The following IZUMO2 variants were observed in gnomAD, a reference collection of about 807,000 sequenced individuals.
The protein encoded by IZUMO2 is IZUMO family member 2, also known as izumo sperm-egg fusion protein 2.
IZUMO2 carries 24 observed loss-of-function variants against 31.2 expected under a neutral mutation model. That is an observed-to-expected ratio of 0.77 (90% CI 0.56 to 1.08). The LOEUF is 1.08. Ranked by LOEUF, IZUMO2 falls within the 50% of genes least tolerant of loss-of-function variation. The pLI is 0.00. For synonymous variants in IZUMO2, 144 were observed against 117.3 expected (o/e 1.23, Z -1.47); for missense variants, 278 against 274.0 (o/e 1.01, Z -0.10).
In IZUMO2 at chr19:50,159,716, T is replaced by A. The variant is rs73580325; in HGVS notation, c.308-136A>T. On this transcript the variant is annotated intron_variant, in intron 2 of 6. Transcript: ENST00000293405. ...TAACCAAGACCAGGATTACTAAGGG[T>A]CCCCCAGGCAAATCTATGGCCAGGG... The A allele has an allele frequency of 1.0e-3, 636 of 620,894 alleles. 2 individuals carry two copies. The African/African-American group carries it at 0.011, about 10-fold the overall frequency. 38.5% of individuals were successfully genotyped at this position (620,894 alleles called of 1,614,324 possible).
At chr19:50,154,419 C>T (rs1361549889) in intron 6 of IZUMO2, among the ~76,000 whole-genome samples, 181 bp downstream of exon 6, 1 of 136,180 alleles carries the variant, frequency 7.3e-6, no homozygotes, top group Non-Finnish European at 1.6e-5. Flanking sequence ...GAGAAAGGTA[C>T]GGGGCAGGGG....
chr19:50,162,086 C>T (rs1249505229), intron 2 of IZUMO2, among the ~76,000 whole-genome samples: 8 of 152,142 alleles, frequency 5.3e-5, no homozygotes, highest in African/African-American at 1.9e-4. Context: ...AGTTTGAGAA[C>T]AGCCTGGCCA....
chr19:50,154,300 T>G (rs1247904711), intron 6 of IZUMO2, among the ~76,000 whole-genome samples: 1 of 124,086 alleles, frequency 8.1e-6, no homozygotes, highest in Admixed American at 9.0e-5. Context: ...TTTTTTTTAA[T>G]GTAAGAAGAG....
intron 5 of IZUMO2, 105 bp from the exon 6 acceptor site, chr19:50,154,831 G>T: frequency 7.6e-7 from 1 of 1,322,360 alleles, no homozygotes. Flanking sequence ...GGGTGGGGGT[G>T]GGGCGCTCTC....
In IZUMO2 at chr19:50,156,723, G is replaced by A. The variant is rs58597303; in HGVS notation, c.496+1545C>T. Among the ~76,000 whole-genome samples the A allele has an allele frequency of 2.0e-3, 311 of 152,086 alleles. 1 individual carries two copies. The highest frequency in any genetic ancestry group is 7.2e-3 in the African/African-American group (297 of 41,484). On this transcript the variant is annotated intron_variant, in intron 5 of 6. Coordinates refer to ENST00000293405, the MANE Select transcript of IZUMO2 (RefSeq NM_152358.3). ...GCGAATCATTTGAGCCCAGGAGTTC[G>A]AGACCAGCCTGGCCAACATGGCAAG...
intron 5 of IZUMO2, among the ~76,000 whole-genome samples, chr19:50,155,541 T>A (rs1472015745): frequency 6.6e-6 from 1 of 152,212 alleles, no homozygotes; most frequent in Non-Finnish European, 1.5e-5. Flanking sequence ...GCTTTCTGCG[T>A]CTTCCACTTG....
chr19:50,156,623 T>C (rs1046893519), intron 5 of IZUMO2, among the ~76,000 whole-genome samples: 1 of 149,566 alleles, frequency 6.7e-6, no homozygotes, highest in African/African-American at 2.5e-5. Context: ...ACCCAAAAAC[T>C]GATAAGAGAA....
rs1225628888 is a variant in IZUMO2 at position 50,163,276 on chromosome 19, CAT to C, written c.-84_-83del. 1 of 1,006,850 alleles carries C rather than the reference CAT, an allele frequency of 9.9e-7. No homozygotes were observed. Among genetic ancestry groups the C allele is most frequent in the Non-Finnish European group, 1.5e-6 (1 of 671,450 alleles). The allele number at this position is 1,006,850 out of a possible 1,614,324, so 62.4% of individuals were successfully genotyped here. On this transcript the variant is annotated 5_prime_UTR_variant, in exon 1 of 7. The change abolishes an upstream ATG in the 5' untranslated region. Coordinates refer to ENST00000293405, the MANE Select transcript of IZUMO2 (RefSeq NM_152358.3). ...GGGCGCGGTCAGGAGGCCCAGGGAG[CAT>C]CACGGTGTTACAGGCACGTGTTCGC...
At chr19:50,159,606 G>A in intron 2 of IZUMO2, 26 bp from the exon 3 acceptor site, 1 of 1,505,242 alleles carries the variant, frequency 6.6e-7, no homozygotes, top group East Asian at 2.3e-5. Flanking sequence ...GATCTCTGTG[G>A]GGTGGGAGGC....
rs745314800 is a variant in IZUMO2, at chr19:50,163,163, G to C, written c.32C>G (p.Ser11Trp). The change falls in exon 1 of 7, where the codon TCG becomes TGG. Residue 11 changes from serine to tryptophan, a missense_variant. Physicochemically the swap from Ser to Trp is radical, Grantham distance 177 (BLOSUM62 -3). Transcript: ENST00000293405. MPLALTLLLL[S>W]GLGAPGGWGC... ...CCAGCCTCCGGGGGCGCCCAAGCCCGAGAGCAGCAGAAGGGTCAAAGCCAG... is the reference window on the plus strand; with the variant it reads ...CCAGCCTCCGGGGGCGCCCAAGCCCCAGAGCAGCAGAAGGGTCAAAGCCAG... The C allele has an allele frequency of 6.4e-7, 1 of 1,560,562 alleles. No individual in the cohort carries two copies. Among genetic ancestry groups the C allele is most frequent in the African/African-American group, 1.4e-5 (1 of 73,324 alleles).
At chr19:50,154,266 T>A (rs1328078159) in intron 6 of IZUMO2, among the ~76,000 whole-genome samples, 1,276 of 10,436 alleles carry the variant, frequency 0.12, 63 homozygotes, top group Non-Finnish European at 0.13. Flanking sequence ...CTTTTAGCGT[T>A]TTTTTTTTTT....
At chr19:50,155,881 C>T (rs902750414) in intron 5 of IZUMO2, among the ~76,000 whole-genome samples, 1 of 152,186 alleles carries the variant, frequency 6.6e-6, no homozygotes, top group African/African-American at 2.4e-5. Flanking sequence ...TTCTAGCCAC[C>T]CTACTATTCT....
intron 6 of IZUMO2, chr19:50,153,812 G>GAA (rs34130312): frequency 5.4e-5 from 6 of 110,284 alleles, no homozygotes; most frequent in African/African-American, 6.7e-5. Flanking sequence ...TCCATCTCAA[G>GAA]AAAAAAAAAA....
At position 50,159,586 on chromosome 19, in the gene IZUMO2, G is replaced by A; in HGVS notation, c.308-6C>T. ...CTCTTCCAGCAGAGGCTCATCTGAGGAGAGAAAGAGATCTCTGTGGGGTGG... is the reference window on the plus strand; with the variant it reads ...CTCTTCCAGCAGAGGCTCATCTGAGAAGAGAAAGAGATCTCTGTGGGGTGG... On this transcript the variant is annotated splice_polypyrimidine_tract_variant and splice_region_variant and intron_variant, in intron 2 of 6. Transcript: ENST00000293405. The A allele has an allele frequency of 1.3e-6, 2 of 1,599,402 alleles. No homozygotes were observed. Among genetic ancestry groups the A allele is most frequent in the Non-Finnish European group, 1.7e-6 (2 of 1,166,786 alleles).
intron 2 of IZUMO2, 38 bp from the exon 3 acceptor site, chr19:50,159,618 C>A: frequency 7.9e-7 from 1 of 1,266,622 alleles, no homozygotes; most frequent in East Asian, 2.3e-5. Context: ...GTGGGAGGCA[C>A]CCAGAAAGCC....
chr19:50,153,108 T>A (rs984057218), intron 6 of IZUMO2, among the ~76,000 whole-genome samples: 2 of 152,066 alleles, frequency 1.3e-5, no homozygotes, highest in Non-Finnish European at 2.9e-5. Flanking sequence ...GGGCCCTACA[T>A]CTAAAGACAG....
chr19:50,162,053 C>T (rs931558053), intron 2 of IZUMO2, among the ~76,000 whole-genome samples: 1 of 152,142 alleles, frequency 6.6e-6, no homozygotes, highest in South Asian at 2.1e-4. Flanking sequence ...GAGGCCTAGG[C>T]GGGCAGATCA....
chr19:50,158,068 C>T (rs1358792456), intron 5 of IZUMO2, among the ~76,000 whole-genome samples, 200 bp downstream of exon 5: 3 of 151,992 alleles, frequency 2.0e-5, no homozygotes, highest in Non-Finnish European at 2.9e-5. Flanking sequence ...TCTAAAGTTC[C>T]AGGGAGTCTT....
chr19:50,162,776 C>A lies in IZUMO2; in HGVS notation c.270G>T (p.Lys90Asn). The change falls in exon 2 of 7, where the codon AAG (lysine) becomes AAT (asparagine). Residue 90 changes from lysine to asparagine, a missense_variant. Coordinates refer to ENST00000293405, the MANE Select transcript of IZUMO2 (RefSeq NM_152358.3). ...TACCCATTAAGTGCTGCGTTTGGTT[C>A]TTGACAAAGGACGCCACAAGGTCCA... ...NQLDLVASFV[K>N]NQTQHLMGNS... is the part of the protein sequence containing the mutation. The A allele has an allele frequency of 6.2e-7, 1 of 1,614,016 alleles. No homozygotes were observed. The highest frequency in any genetic ancestry group is 8.5e-7 in the Non-Finnish European group (1 of 1,180,022).
Sources: gnomAD v4.1 joint callset for allele counts (sites outside exome capture counted in the v4.1 genomes callset) on GRCh38, gnomAD v4.1.1 for gene constraint, MANE v1.5 for transcripts, NCBI Gene and HGNC (gene_info 2026-07-23, HGNC 2026-07-21) for gene names.